Variants in ZNF492 observed in about 807,000 individuals in gnomAD.
The protein encoded by ZNF492 is zinc finger protein 115 (Y20).
Under a neutral mutation model 6.4 loss-of-function variants are expected in ZNF492, and 3 were observed. The observed-to-expected ratio is 0.47, with a 90% CI of 0.21 to 1.22. ZNF492 has a LOEUF of 1.22. ZNF492 is among the 50% of genes most tolerant of loss of function. The probability of loss-of-function intolerance (pLI) is 0.22; values close to 1 mark genes in which losing one functional copy is unlikely to be tolerated. For synonymous variants in ZNF492, 112 were observed against 205.3 expected (o/e 0.55, Z 3.89); for missense variants, 356 against 612.5 (o/e 0.58, Z 4.42).
At chr19:22,647,481 C>T (rs1258316992) in intron 1 of ZNF492, among the ~76,000 whole-genome samples, 8 of 151,106 alleles carry the variant, frequency 5.3e-5, no homozygotes, top group African/African-American at 7.3e-5. Flanking sequence ...AGGCTGGTCT[C>T]GAACTCCTAA....
chr19:22,656,462 T>A (rs3951783), intron 3 of ZNF492, among the ~76,000 whole-genome samples: 29,202 of 151,858 alleles, frequency 0.19, 3,691 homozygotes, highest in African/African-American at 0.36. Flanking sequence ...GGATTTCCCA[T>A]GGTCACTGTG....
intron 1 of ZNF492, among the ~76,000 whole-genome samples, chr19:22,650,588 TC>T (rs2145252184): frequency 6.6e-6 from 1 of 152,028 alleles, no homozygotes; most frequent in Admixed American, 6.5e-5. Context: ...CCCAGGGAGA[TC>T]AGAGTTCTGT....
intron 1 of ZNF492, among the ~76,000 whole-genome samples, chr19:22,651,238 G>C (rs1359955718): frequency 6.6e-6 from 1 of 151,994 alleles, no homozygotes; most frequent in East Asian, 1.9e-4. Context: ...CAGCTGCCTA[G>C]TCAGTTCTGA....
intron 1 of ZNF492, among the ~76,000 whole-genome samples, chr19:22,647,257 G>GTTTTT (rs777750378): frequency 0.053 from 7,372 of 139,864 alleles, 765 homozygotes; most frequent in African/African-American, 0.19. Context: ...TTTGTTTGTT[G>GTTTTT]TTGTTTTTTT....
chr19:22,655,816 GTTTTTTTT>G (rs987078429), intron 3 of ZNF492, among the ~76,000 whole-genome samples: 1 of 51,786 alleles, frequency 1.9e-5, no homozygotes, highest in Admixed American at 2.2e-4. Flanking sequence ...TTTTCTTGTT[GTTTTTTTT>G]TTTTTTTTTT....
At chr19:22,652,989 A>G (rs1462951830) in intron 1 of ZNF492, among the ~76,000 whole-genome samples, 2 of 151,904 alleles carry the variant, frequency 1.3e-5, no homozygotes, top group Non-Finnish European at 2.9e-5. Flanking sequence ...TGAAAAATTT[A>G]CACAACTTAT....
chr19:22,657,142 T>G (rs2885222), intron 3 of ZNF492, among the ~76,000 whole-genome samples: 29,147 of 152,030 alleles, frequency 0.19, 3,681 homozygotes, highest in African/African-American at 0.36. Context: ...TACTAAAATT[T>G]ACATGTTATG....
intron 1 of ZNF492, among the ~76,000 whole-genome samples, chr19:22,642,685 G>C (rs899928152): frequency 1.3e-5 from 2 of 151,942 alleles, no homozygotes; most frequent in African/African-American, 2.4e-5. Flanking sequence ...GACCGCGCAC[G>C]GCCTTGTCAT....
At chr19:22,651,166 C>A (rs1337369171) in intron 1 of ZNF492, among the ~76,000 whole-genome samples, 4 of 151,998 alleles carry the variant, frequency 2.6e-5, no homozygotes, top group African/African-American at 9.7e-5. Flanking sequence ...TCCCCTGCCC[C>A]GTGTGGCTCT....
In ZNF492 at chr19:22,653,420, C is replaced by G. The variant is rs1169566235; in HGVS notation, c.21C>G (p.Asn7Lys). 1 of 1,613,734 alleles carries G rather than the reference C, an allele frequency of 6.2e-7. No homozygotes were observed. The highest frequency in any genetic ancestry group is 8.5e-7 in the Non-Finnish European group (1 of 1,180,004). Residue 7 changes from asparagine to lysine, a missense_variant, in exon 2 of 4, where the codon AAC becomes AAG. By Grantham distance (94) the Asn-to-Lys change is moderately conservative. Around this residue, in one of 7 missense-constraint regions of ZNF492, gnomAD observed 196 missense variants for 219.4 expected, o/e 0.89. Transcript: ENST00000456783. ...ATGTGATGTTAGAGAACTACAGAAACCTGGTCTTCGTGGGTGAGGATAACT... is the reference window on the plus strand; with the variant it reads ...ATGTGATGTTAGAGAACTACAGAAAGCTGGTCTTCGTGGGTGAGGATAACT... MLENYRNLVFVGIAASK... is the reference protein window; with the variant it reads MLENYRKLVFVGIAASK...
intron 1 of ZNF492, among the ~76,000 whole-genome samples, chr19:22,647,134 G>A (rs1371336875): frequency 6.6e-6 from 1 of 151,780 alleles, no homozygotes; most frequent in Non-Finnish European, 1.5e-5. Flanking sequence ...CAGGTGATCT[G>A]CCTGCCTCGG....
intron 1 of ZNF492, among the ~76,000 whole-genome samples, chr19:22,636,776 GGCAT>G (rs1971770503): frequency 6.6e-6 from 1 of 150,436 alleles, no homozygotes; most frequent in East Asian, 2.0e-4. Flanking sequence ...TGGGATTACA[GGCAT>G]GCGCCACCAC....
chr19:22,643,421 T>C (rs1051583853), intron 1 of ZNF492, among the ~76,000 whole-genome samples: 10 of 152,210 alleles, frequency 6.6e-5, no homozygotes, highest in African/African-American at 9.7e-5. Context: ...CCAGAAGTAA[T>C]TGTGTTGTGA....
intron 3 of ZNF492, 100 bp from the exon 4 acceptor site, chr19:22,663,700 C>A: frequency 8.9e-7 from 1 of 1,125,810 alleles, no homozygotes; most frequent in Non-Finnish European, 1.2e-6. Context: ...TTTGCTGTAA[C>A]ATCTTGTGAT....
At position 22,665,034 on chromosome 19, in the gene ZNF492, C is replaced by T. The variant is rs183204973; in HGVS notation, c.1365C>T (p.Gly455=). ...AGCCCTACAAATATGAAGAATGTGG[C>T]AAAGCTTTTAACCAGTCCTCACACC... The part of the protein sequence containing the change: ...GEKPYKYEEC[G]KAFNQSSHLT... Residue 455 remains glycine, a synonymous_variant, in exon 4 of 4, where the codon GGC becomes GGT. Coordinates refer to ENST00000456783, the MANE Select transcript of ZNF492 (RefSeq NM_020855.3). 9.6e-5 allele frequency: 153 copies of T among 1,588,132 alleles called. 2 individuals carry two copies. The East Asian group carries it at 2.8e-3, about 29-fold the overall frequency.
chr19:22,643,081 T>G (rs1373985897), intron 1 of ZNF492, among the ~76,000 whole-genome samples: 3 of 152,024 alleles, frequency 2.0e-5, no homozygotes, highest in Non-Finnish European at 2.9e-5. Flanking sequence ...CTGACCAACA[T>G]AGTGAAATCT....
At chr19:22,663,760 G>A in intron 3 of ZNF492, 40 bp from the exon 4 acceptor site, 1 of 1,448,018 alleles carries the variant, frequency 6.9e-7, no homozygotes, top group Non-Finnish European at 9.1e-7. Context: ...ATTCGTCTGA[G>A]TCAGTAAGTG....
In ZNF492 at chr19:22,635,826, T is replaced by C. The variant is rs368861340; in HGVS notation, c.-94+1352T>C. Among the ~76,000 whole-genome samples the C allele has an allele frequency of 8.5e-4, 129 of 152,298 alleles. 1 individual carries two copies. Among genetic ancestry groups the C allele is most frequent in the African/African-American group, 2.9e-3 (119 of 41,572 alleles). On this transcript the variant is annotated intron_variant, in intron 1 of 3. Coordinates refer to ENST00000456783, the MANE Select transcript of ZNF492 (RefSeq NM_020855.3). ...TCGTAGGACAACCTGAGATATGGAG[T>C]GTAGCCTCTCAAGTGGATACCCTGG... is the stretch of plus-strand genomic sequence containing the variant.
At chr19:22,645,530 T>C (rs1971869293) in intron 1 of ZNF492, among the ~76,000 whole-genome samples, 1 of 152,208 alleles carries the variant, frequency 6.6e-6, no homozygotes, top group Admixed American at 6.5e-5. Flanking sequence ...TTTAATTAGC[T>C]CTTATTTGTC....
Sources: allele counts gnomAD v4.1 joint callset (sites outside exome capture counted in the v4.1 genomes callset), GRCh38; gene constraint gnomAD v4.1.1; regional missense constraint gnomAD v4.1.1; transcripts MANE v1.5; gene names NCBI Gene and HGNC (gene_info 2026-07-23, HGNC 2026-07-21).